Variants in CCDC148 observed in about 807,000 individuals in gnomAD.
CCDC148 encodes coiled-coil domain-containing protein 148.
A neutral mutation model predicts 85.7 loss-of-function variants in CCDC148; 89 were observed. The observed-to-expected ratio is 1.04, with a 90% CI of 0.87 to 1.24. CCDC148 has a LOEUF of 1.24. Among genes scored for constraint, CCDC148 ranks in the 50% most tolerant of loss-of-function variants. The probability of loss-of-function intolerance (pLI) is 0.00; values close to 1 mark genes in which losing one functional copy is unlikely to be tolerated. For synonymous variants in CCDC148, 230 were observed against 213.9 expected (o/e 1.08, Z -0.66); for missense variants, 692 against 671.7 (o/e 1.03, Z -0.33).
At chr2:158,185,224 T>G (rs780059431) in intron 11 of CCDC148, among the ~76,000 whole-genome samples, 16 of 152,148 alleles carry the variant, frequency 1.1e-4, no homozygotes, top group Non-Finnish European at 1.8e-4. Flanking sequence ...CAGAGCCTTC[T>G]CAGGCTTGGA....
intron 10 of CCDC148, among the ~76,000 whole-genome samples, chr2:158,246,220 C>T (rs6437151): frequency 0.12 from 18,073 of 152,146 alleles, 2,314 homozygotes; most frequent in African/African-American, 0.32. Flanking sequence ...GGGGGGAAAA[C>T]AGAGCACCAG....
chr2:158,424,393 A>G (rs920857330), intron 1 of CCDC148, among the ~76,000 whole-genome samples: 15 of 152,224 alleles, frequency 9.9e-5, no homozygotes, highest in African/African-American at 3.1e-4. Flanking sequence ...AGCCATAAAA[A>G]AGGATGAGTT....
At chr2:158,328,158 C>T (rs1692885176) in intron 7 of CCDC148, among the ~76,000 whole-genome samples, 1 of 152,056 alleles carries the variant, frequency 6.6e-6, no homozygotes, top group Non-Finnish European at 1.5e-5. Context: ...AATGCTATCC[C>T]TCCCCTCCGC....
At chr2:158,443,453 A>G (rs1688022086) in intron 1 of CCDC148, among the ~76,000 whole-genome samples, 2 of 144,214 alleles carry the variant, frequency 1.4e-5, no homozygotes. Flanking sequence ...GCGGTCAGCC[A>G]TGATGGTGCC....
intron 1 of CCDC148, chr2:158,393,283 C>A (rs1036425402): frequency 6.6e-6 from 1 of 152,104 alleles, no homozygotes; most frequent in Non-Finnish European, 1.5e-5. Flanking sequence ...CCTGGATCAT[C>A]TTGTACTCTA....
chr2:158,257,810 T>C (rs571610290), intron 9 of CCDC148, among the ~76,000 whole-genome samples: 1 of 151,578 alleles, frequency 6.6e-6, no homozygotes, highest in Admixed American at 6.6e-5. Flanking sequence ...CTGGAGGGTC[T>C]AACCTTAGTG....
At chr2:158,281,046 G>A (rs1437189594) in intron 9 of CCDC148, among the ~76,000 whole-genome samples, 2 of 152,118 alleles carry the variant, frequency 1.3e-5, no homozygotes, top group Non-Finnish European at 2.9e-5. Flanking sequence ...ATAACGAAAT[G>A]GAGTCAGAAA....
intron 11 of CCDC148, among the ~76,000 whole-genome samples, chr2:158,205,644 T>TA (rs70990696): frequency 0.28 from 42,541 of 151,976 alleles, 6,108 homozygotes; most frequent in Middle Eastern, 0.35. Context: ...TACTCCACAT[T>TA]AAAAAAGACA....
At position 158,263,257 on chromosome 2, in the gene CCDC148, C is replaced by T. The variant is rs549695565; in HGVS notation, c.1111-12345G>A. Among the ~76,000 whole-genome samples the T allele has an allele frequency of 4.6e-5, 7 of 152,116 alleles. No individual in the cohort carries two copies. The South Asian group carries it at 1.5e-3, about 32-fold the overall frequency. ...GAATGGAGGCCTTGAGAAAGTTAGG[C>T]TTATGTATGTGTATAATTTTCTGCA... is the stretch of plus-strand genomic sequence containing the variant. On this transcript the variant is annotated intron_variant, in intron 9 of 13. Coordinates refer to ENST00000283233, the MANE Select transcript of CCDC148 (RefSeq NM_138803.4).
chr2:158,287,675 A>G (rs1355291901), intron 9 of CCDC148, among the ~76,000 whole-genome samples: 2 of 152,182 alleles, frequency 1.3e-5, no homozygotes, highest in Non-Finnish European at 2.9e-5. Context: ...ATGGCTTTGC[A>G]AGGTACAGCC....
chr2:158,202,204 C>T (rs1236479499), intron 11 of CCDC148, among the ~76,000 whole-genome samples: 1 of 152,158 alleles, frequency 6.6e-6, no homozygotes, highest in African/African-American at 2.4e-5. Flanking sequence ...GTGTTCCATA[C>T]ACATACGCAC....
intron 9 of CCDC148, among the ~76,000 whole-genome samples, chr2:158,292,084 C>CT (rs1191387625): frequency 1.3e-4 from 20 of 151,292 alleles, no homozygotes; most frequent in East Asian, 1.9e-4. Flanking sequence ...TCACTTTTTT[C>CT]TTTTTTTTTG....
intron 11 of CCDC148, among the ~76,000 whole-genome samples, chr2:158,209,599 G>A (rs1686446066): frequency 6.6e-6 from 1 of 152,188 alleles, no homozygotes; most frequent in Admixed American, 6.5e-5. Context: ...ATGCCCATCA[G>A]ACTAACAGCG....
chr2:158,271,178 T>G (rs1334434324), intron 9 of CCDC148, among the ~76,000 whole-genome samples: 3 of 152,152 alleles, frequency 2.0e-5, no homozygotes, highest in Non-Finnish European at 1.5e-5. Flanking sequence ...TTGGGGGGGT[T>G]AATAAGCTAC....
chr2:158,439,462 A>T (rs1464098142), intron 1 of CCDC148, among the ~76,000 whole-genome samples: 1 of 152,128 alleles, frequency 6.6e-6, no homozygotes, highest in African/African-American at 2.4e-5. Flanking sequence ...AACGTCACAC[A>T]CCGAGGCCTG....
At chr2:158,224,298 A>T (rs1049169664) in intron 10 of CCDC148, among the ~76,000 whole-genome samples, 5 of 152,264 alleles carry the variant, frequency 3.3e-5, no homozygotes, top group African/African-American at 1.2e-4. Context: ...AAAGCCTCCA[A>T]GAAATATGGG....
chr2:158,364,926 T>G (rs948335212), intron 1 of CCDC148, among the ~76,000 whole-genome samples: 1 of 152,158 alleles, frequency 6.6e-6, no homozygotes, highest in African/African-American at 2.4e-5. Context: ...GACAAACAGC[T>G]AATATCCTGA....
At chr2:158,214,163 T>C (rs917683723) in intron 11 of CCDC148, among the ~76,000 whole-genome samples, 1 of 151,410 alleles carries the variant, frequency 6.6e-6, no homozygotes. Context: ...TACATTCTTA[T>C]GTCTATTTTG....
intron 1 of CCDC148, among the ~76,000 whole-genome samples, chr2:158,406,298 C>T (rs1425661310): frequency 6.6e-6 from 1 of 152,122 alleles, no homozygotes; most frequent in African/African-American, 2.4e-5. Flanking sequence ...TTCTTTTTAA[C>T]AGGGTTAACA....
Sources: gnomAD v4.1 joint callset for allele counts (sites outside exome capture counted in the v4.1 genomes callset) on GRCh38, gnomAD v4.1.1 for gene constraint, MANE v1.5 for transcripts, NCBI Gene and HGNC (gene_info 2026-07-23, HGNC 2026-07-21) for gene names.